GOLGA8B: variants seen among roughly 807,000 people sequenced by gnomAD.
GOLGA8B encodes the protein golgin A8 family member B.
In GOLGA8B, 1 loss-of-function variant was observed where a neutral mutation model predicts 15.6. The ratio of observed to expected loss-of-function variants is 0.06; its 90% CI spans 0.02 to 0.30. GOLGA8B has a LOEUF of 0.30. Ranked by LOEUF, GOLGA8B falls within the 10% of genes least tolerant of loss-of-function variation. The probability of loss-of-function intolerance (pLI) is 1.00; values close to 1 mark genes in which losing one functional copy is unlikely to be tolerated. For synonymous variants in GOLGA8B, 9 were observed against 80.3 expected (o/e 0.11, Z 4.75); for missense variants, 17 against 201.3 (o/e 0.08, Z 5.54).
In GOLGA8B at chr15:34,565,228, C is replaced by T. The variant is rs1469228827; in HGVS notation, c.-1122-11272G>A. On this transcript the variant is annotated intron_variant, in intron 1 of 23. Coordinates refer to ENST00000683415, the MANE Select transcript of GOLGA8B (RefSeq NM_001023567.5). Reference sequence around the variant, plus strand: ...TTGGCTCACTGCAACCTCCGCCTCCCAGGTTCAAGCAATTCTGTGGCCTCA... The same window carrying T: ...TTGGCTCACTGCAACCTCCGCCTCCTAGGTTCAAGCAATTCTGTGGCCTCA... Among the ~76,000 whole-genome samples the T allele has an allele frequency of 3.6e-5, 5 of 139,788 alleles. 1 individual carries two copies. The highest frequency in any genetic ancestry group is 1.0e-4 in the African/African-American group (4 of 39,286). The allele number at this position is 139,788 out of a possible 152,430, so 91.7% of individuals were successfully genotyped here. A position where few individuals can be genotyped will look rare whatever the true frequency, so the allele number is the denominator to read the frequency against.
intron 1 of GOLGA8B, among the ~76,000 whole-genome samples, chr15:34,568,839 C>T (rs1470184982): frequency 8.8e-6 from 1 of 113,556 alleles, no homozygotes; most frequent in African/African-American, 4.2e-5. Flanking sequence ...GGCCCTGCCA[C>T]TGGATGGTTA....
chr15:34,556,560 G>A, intron 1 of GOLGA8B: 1 of 1,443,776 alleles, frequency 6.9e-7, no homozygotes. Context: ...GATCGTGGCA[G>A]AGATCAAGAT....
rs1888078487 is a variant in GOLGA8B, at chr15:34,527,277, AAAG to A, written c.*352_*354del. 1 of 364,818 alleles carries A rather than the reference AAAG, an allele frequency of 2.7e-6. No individual in the cohort carries two copies. Among genetic ancestry groups the A allele is most frequent in the Non-Finnish European group, 5.1e-6 (1 of 195,030 alleles). 22.6% of individuals were successfully genotyped at this position (364,818 alleles called of 1,614,324 possible). A position where few individuals can be genotyped will look rare whatever the true frequency, so the allele number is the denominator to read the frequency against. On this transcript the variant is annotated 3_prime_UTR_variant, in exon 24 of 24. Transcript: ENST00000683415. ...ACATCCATGCTGCAATAACATTAAA[AAAG>A]CACGGGAGCCTATTCCAAACCAGCG... is the stretch of plus-strand genomic sequence containing the variant.
chr15:34,581,675 G>C (rs1168573282), intron 1 of GOLGA8B, among the ~76,000 whole-genome samples: 1 of 152,078 alleles, frequency 6.6e-6, no homozygotes, highest in Non-Finnish European at 1.5e-5. Flanking sequence ...AAACATGCAA[G>C]GTGGAAGAGA....
intron 1 of GOLGA8B, chr15:34,566,560 C>T (rs901616495): frequency 1.4e-5 from 2 of 142,070 alleles, no homozygotes; most frequent in African/African-American, 5.1e-5. Context: ...GCGTGATTTA[C>T]TACTGGAGGA....
chr15:34,571,606 G>A (rs1288668235), intron 1 of GOLGA8B, among the ~76,000 whole-genome samples: 4 of 131,252 alleles, frequency 3.0e-5, no homozygotes, highest in African/African-American at 1.1e-4. Flanking sequence ...AAATTAGGTT[G>A]GAATCGTATA....
chr15:34,544,626 AT>A (rs1473765147), intron 7 of GOLGA8B, among the ~76,000 whole-genome samples: 1 of 144,538 alleles, frequency 6.9e-6, no homozygotes, highest in African/African-American at 2.5e-5. Flanking sequence ...GAAAGAGTTA[AT>A]AAAAAGTAAA....
At position 34,569,654 on chromosome 15, in the gene GOLGA8B, T is replaced by C. The variant is rs1194669057; in HGVS notation, c.-1123+13862A>G. 3.3e-5 allele frequency among the ~76,000 whole-genome samples: 5 copies of C among 151,958 alleles called. No individual in the cohort carries two copies. The South Asian group carries it at 6.2e-4, about 19-fold the overall frequency. On this transcript the variant is annotated intron_variant, in intron 1 of 23. Coordinates refer to ENST00000683415, the MANE Select transcript of GOLGA8B (RefSeq NM_001023567.5). ...ACCATAAACACATTGTTAGCTGGTA[T>C]TGATAGCTGTTAACACCCTGAACAA...
At chr15:34,560,677 G>GA (rs1888604030) in intron 1 of GOLGA8B, among the ~76,000 whole-genome samples, 1 of 75,992 alleles carries the variant, frequency 1.3e-5, no homozygotes, top group East Asian at 4.1e-4. Flanking sequence ...TGCAGGGCTC[G>GA]AGGCCGAGTG....
chr15:34,554,546 CA>C (rs1888442476), intron 1 of GOLGA8B, among the ~76,000 whole-genome samples: 1 of 126,080 alleles, frequency 7.9e-6, no homozygotes, highest in Admixed American at 8.4e-5. Context: ...CCACACACAC[CA>C]CACATCACAC....
chr15:34,577,503 A>C lies in GOLGA8B; in HGVS notation c.-1123+6013T>G, dbSNP rs527990104. Among the ~76,000 whole-genome samples, 31 of 137,524 alleles carry C rather than the reference A, an allele frequency of 2.3e-4. No individual in the cohort carries two copies. The East Asian group carries it at 6.4e-3, about 28-fold the overall frequency. The allele number at this position is 137,524 out of a possible 152,430, so 90.2% of individuals were successfully genotyped here. On this transcript the variant is annotated intron_variant, in intron 1 of 23. Coordinates refer to ENST00000683415, the MANE Select transcript of GOLGA8B (RefSeq NM_001023567.5). ...ACCAACCAAATGAAAAAAATTATAT[A>C]TCATACACACACACACACACACACA...
At chr15:34,575,218 A>C (rs1446550080) in intron 1 of GOLGA8B, among the ~76,000 whole-genome samples, 5 of 151,668 alleles carry the variant, frequency 3.3e-5, no homozygotes, top group African/African-American at 7.3e-5. Flanking sequence ...CAGAGCCTCC[A>C]CATGACGCTG....
chr15:34,582,715 CG>C, intron 1 of GOLGA8B: 1 of 152,546 alleles, frequency 6.6e-6, no homozygotes, highest in Non-Finnish European at 1.5e-5. Context: ...GCGTCGGCCC[CG>C]GGGAAAGGAA....
At chr15:34,563,294 A>G (rs1393530872) in intron 1 of GOLGA8B, among the ~76,000 whole-genome samples, 2 of 140,702 alleles carry the variant, frequency 1.4e-5, no homozygotes, top group Non-Finnish European at 3.3e-5. Flanking sequence ...ATGTGGGAGA[A>G]CCATGTGTTT....
chr15:34,580,808 T>G (rs1889207771), intron 1 of GOLGA8B, among the ~76,000 whole-genome samples: 1 of 152,122 alleles, frequency 6.6e-6, no homozygotes, highest in Non-Finnish European at 1.5e-5. Flanking sequence ...GGCTGCCTCC[T>G]GGTGAGCAAC....
At position 34,526,285 on chromosome 15, in the gene GOLGA8B, C is replaced by G. The variant is rs1888052919; in HGVS notation, c.*1347G>C. On this transcript the variant is annotated 3_prime_UTR_variant, in exon 24 of 24. Transcript: ENST00000683415. ...GTTGCATAAACTTCTCCTTGATTTTCAAAGATAATATAATACTGTCTACTA... is the reference window on the plus strand; with the variant it reads ...GTTGCATAAACTTCTCCTTGATTTTGAAAGATAATATAATACTGTCTACTA... The G allele has an allele frequency of 6.7e-6, 1 of 149,798 alleles. No homozygotes were observed. Among genetic ancestry groups the G allele is most frequent in the African/African-American group, 2.5e-5 (1 of 40,476 alleles). The allele number at this position is 149,798 out of a possible 1,614,324, so 9.3% of individuals were successfully genotyped here.
chr15:34,568,864 A>G (rs1353389850), intron 1 of GOLGA8B, among the ~76,000 whole-genome samples: 4 of 130,484 alleles, frequency 3.1e-5, no homozygotes, highest in Non-Finnish European at 6.3e-5. Context: ...CATAGGCCCC[A>G]GAGTCAGAAG....
At chr15:34,579,691 G>T (rs144275337) in intron 1 of GOLGA8B, among the ~76,000 whole-genome samples, 1 of 152,166 alleles carries the variant, frequency 6.6e-6, no homozygotes, top group Non-Finnish European at 1.5e-5. Context: ...AGGATCCAAA[G>T]GTGAACACAG....
chr15:34,583,042 G>A (rs1402236302), intron 1 of GOLGA8B, among the ~76,000 whole-genome samples: 1 of 152,160 alleles, frequency 6.6e-6, no homozygotes, highest in Non-Finnish European at 1.5e-5. Context: ...CCGGGCTCGG[G>A]TTCTCCCGGG....
Sources: gnomAD v4.1 joint callset for allele counts (sites outside exome capture counted in the v4.1 genomes callset) on GRCh38, gnomAD v4.1.1 for gene constraint, MANE v1.5 for transcripts, NCBI Gene and HGNC (gene_info 2026-07-23, HGNC 2026-07-21) for gene names.